The following MAPK10 variants were observed in gnomAD, a reference collection of about 807,000 sequenced individuals.
The protein encoded by MAPK10 is mitogen-activated protein kinase 10.
In MAPK10, 25 loss-of-function variants were observed where a neutral mutation model predicts 59.3. That is an observed-to-expected ratio of 0.42 (90% CI 0.31 to 0.59). MAPK10 has a LOEUF of 0.59. MAPK10 is among the 20% of genes least tolerant of loss of function. The pLI, the probability that MAPK10 is intolerant of heterozygous loss-of-function variation, is 0.15. For missense variants in MAPK10, 351 were observed against 568.9 expected (o/e 0.62, Z 3.90); for synonymous variants, 190 against 200.5 (o/e 0.95, Z 0.44).
At chr4:86,433,606 G>A (rs1579203371) in intron 1 of MAPK10, among the ~76,000 whole-genome samples, 1 of 110,626 alleles carries the variant, frequency 9.0e-6, no homozygotes, top group Admixed American at 1.3e-4. Context: ...GTCTCACCAT[G>A]TTGCCCAGGC....
At chr4:86,080,109 A>G (rs1290915611) in intron 9 of MAPK10, 1 of 152,080 alleles carries the variant, frequency 6.6e-6, no homozygotes. Context: ...TATGTTATAA[A>G]TGAATGTCTA....
At chr4:86,453,140 C>T (rs1480731323) in exon 1 of MAPK10, 1 of 152,288 alleles carries the variant, frequency 6.6e-6, no homozygotes, top group African/African-American at 2.4e-5. Flanking sequence ...TGCCTGGCCT[C>T]ACAGGGGTCC....
intron 9 of MAPK10, among the ~76,000 whole-genome samples, chr4:86,077,012 G>A (rs1186286124): frequency 6.6e-6 from 1 of 152,016 alleles, no homozygotes; most frequent in East Asian, 1.9e-4. Context: ...ATTATGAAAT[G>A]CATTGAATAC....
At chr4:86,575,200 T>C (rs1163912757) in intron 1 of MAPK10, among the ~76,000 whole-genome samples, 1 of 152,236 alleles carries the variant, frequency 6.6e-6, no homozygotes, top group African/African-American at 2.4e-5. Context: ...TCTCCCCTGA[T>C]TCTCAGGCCT....
chr4:86,470,905 A>G (rs1352004439), intron 1 of MAPK10, among the ~76,000 whole-genome samples: 1 of 152,258 alleles, frequency 6.6e-6, no homozygotes, highest in African/African-American at 2.4e-5. Flanking sequence ...ATTAGTAGCC[A>G]AAACTACTTA....
intron 2 of MAPK10, among the ~76,000 whole-genome samples, chr4:86,220,313 G>A (rs2089174990): frequency 6.6e-6 from 1 of 152,080 alleles, no homozygotes; most frequent in African/African-American, 2.4e-5. Context: ...AGTTACTCAT[G>A]CTAAATGCGT....
chr4:86,024,290 A>G (rs1056036157), intron 13 of MAPK10: 74 of 152,300 alleles, frequency 4.9e-4, no homozygotes, highest in African/African-American at 1.8e-3. Flanking sequence ...CAAAACACAA[A>G]TTTATATCTA....
At chr4:86,189,449 T>C (rs1303134587) in intron 3 of MAPK10, among the ~76,000 whole-genome samples, 1 of 152,222 alleles carries the variant, frequency 6.6e-6, no homozygotes, top group East Asian at 1.9e-4. Flanking sequence ...TAGTTCTCCT[T>C]GAAGAGGTCA....
Position 86,214,524 on chromosome 4 carries a change from A to AAC in MAPK10, c.-6-20118_-6-20117insGT, listed in dbSNP as rs1554099605. Among the ~76,000 whole-genome samples the AAC allele has an allele frequency of 7.3e-3, 1,089 of 149,798 alleles. 8 individuals carry two copies. The highest frequency in any genetic ancestry group is 0.026 in the African/African-American group (1,040 of 40,172). On this transcript the variant is annotated intron_variant, in intron 2 of 13. Transcript: ENST00000641462. ...CTTAAGATTCCTTAAAAAAAAAAAA[A>AAC]AAAAAAAAAAACTGTTAGAACTGAT...
chr4:86,134,811 C>T (rs1441141071), intron 4 of MAPK10, among the ~76,000 whole-genome samples: 1 of 152,156 alleles, frequency 6.6e-6, no homozygotes, highest in African/African-American at 2.4e-5. Context: ...ACGGTGGGCG[C>T]AGGTCAGTGG....
intron 4 of MAPK10, chr4:86,120,043 G>A (rs1207915417): frequency 3.9e-5 from 6 of 152,216 alleles, no homozygotes; most frequent in African/African-American, 1.4e-4. Flanking sequence ...ATCTCAAAGT[G>A]TACCTTCTGG....
At chr4:86,415,448 T>C (rs550192124) in intron 1 of MAPK10, among the ~76,000 whole-genome samples, 1 of 152,200 alleles carries the variant, frequency 6.6e-6, no homozygotes, top group Non-Finnish European at 1.5e-5. Context: ...GAGCTTTTGA[T>C]AACTTAGGAA....
At position 86,387,250 on chromosome 4, in the gene MAPK10, T is replaced by C. The variant is rs147522318; in HGVS notation, c.-121-32606A>G. On this transcript the variant is annotated intron_variant, in intron 1 of 13. Coordinates refer to the MAPK10 transcript ENST00000361569. ...ATGATTGTCTCAGATAGGGAGGATG[T>C]CCTTCAAGCCCAAGAGCACAACGGA... Among the ~76,000 whole-genome samples, 1,485 of 152,248 alleles carry C rather than the reference T, an allele frequency of 9.8e-3. 19 individuals are homozygous for C. The highest frequency in any genetic ancestry group is 0.034 in the African/African-American group (1,410 of 41,542).
rs923183748 is a variant in MAPK10 at position 86,026,997 on chromosome 4, A to G, written c.1252+2200T>C. On this transcript the variant is annotated intron_variant, in intron 13 of 13. Transcript: ENST00000641462. ...TTGCCAACACACCAACAATAAATGC[A>G]TAGTTGGGAAGAGAGGTACAGAGTT... is the stretch of plus-strand genomic sequence containing the variant. 2.6e-5 allele frequency: 4 copies of G among 152,176 alleles called. No homozygotes were observed. The South Asian group carries it at 6.2e-4, about 24-fold the overall frequency. 9.4% of individuals were successfully genotyped at this position (152,176 alleles called of 1,614,324 possible).
chr4:86,123,674 A>G (rs183993164), intron 4 of MAPK10: 1 of 152,082 alleles, frequency 6.6e-6, no homozygotes, highest in Admixed American at 6.6e-5. Flanking sequence ...TATCACTATT[A>G]TTTTCATTTA....
chr4:86,473,290 A>C (rs945573756), intron 1 of MAPK10, among the ~76,000 whole-genome samples: 13 of 152,352 alleles, frequency 8.5e-5, no homozygotes, highest in Middle Eastern at 6.8e-3. Context: ...ATTTGAACAG[A>C]TATCACATAT....
At chr4:86,063,752 G>A (rs2046182454) in intron 11 of MAPK10, among the ~76,000 whole-genome samples, 2 of 152,130 alleles carry the variant, frequency 1.3e-5, no homozygotes, top group African/African-American at 2.4e-5. Flanking sequence ...CTGAAGTAAT[G>A]TACTTACTGA....
intron 1 of MAPK10, among the ~76,000 whole-genome samples, chr4:86,580,848 C>T (rs991372067): frequency 5.3e-5 from 8 of 152,116 alleles, no homozygotes; most frequent in African/African-American, 1.9e-4. Flanking sequence ...AAAAATGTAA[C>T]ACATGACAAC....
chr4:86,437,344 C>A (rs535541979), intron 1 of MAPK10, among the ~76,000 whole-genome samples: 1 of 151,678 alleles, frequency 6.6e-6, no homozygotes, highest in Admixed American at 6.6e-5. Flanking sequence ...TATAGTTTAT[C>A]AAATGCTTTT....
Sources: allele counts gnomAD v4.1 joint callset (sites outside exome capture counted in the v4.1 genomes callset), GRCh38; gene constraint gnomAD v4.1.1; transcripts MANE v1.5; gene names NCBI Gene and HGNC (gene_info 2026-07-23, HGNC 2026-07-21).